The following GMEB1 variants were observed in gnomAD, a reference collection of about 807,000 sequenced individuals.
GMEB1 encodes the protein glucocorticoid modulatory element-binding protein 1.
In GMEB1, 6 loss-of-function variants were observed where a neutral mutation model predicts 52.4. The ratio of observed to expected loss-of-function variants is 0.11; its 90% CI spans 0.06 to 0.23. The LOEUF (loss-of-function observed/expected upper bound fraction) is 0.23, where lower values mean the gene tolerates loss of function less well. Among genes scored for constraint, GMEB1 ranks in the 10% least tolerant of loss-of-function variants. GMEB1 has a pLI of 1.00. For missense variants in GMEB1, 486 were observed against 685.6 expected (o/e 0.71, Z 3.25); for synonymous variants, 255 against 244.9 (o/e 1.04, Z -0.38).
At chr1:28,675,280 G>T (rs1669099051) in intron 1 of GMEB1, among the ~76,000 whole-genome samples, 2 of 151,930 alleles carry the variant, frequency 1.3e-5, no homozygotes, top group Non-Finnish European at 2.9e-5. Flanking sequence ...GCCTCCCAAA[G>T]TGCTGGGATT....
intron 3 of GMEB1, 108 bp from the exon 4 acceptor site, chr1:28,691,477 C>A: frequency 1.6e-6 from 1 of 637,928 alleles, no homozygotes; most frequent in Non-Finnish European, 2.4e-6. Flanking sequence ...ATGATACCAG[C>A]AAGAGTGAAG....
intron 1 of GMEB1, among the ~76,000 whole-genome samples, chr1:28,676,889 TA>T (rs1221349922): frequency 1.3e-5 from 2 of 151,904 alleles, no homozygotes; most frequent in Non-Finnish European, 2.9e-5. Flanking sequence ...CTGACTCTAC[TA>T]AAAATACAAA....
At chr1:28,693,676 C>T (rs936242563) in intron 5 of GMEB1, among the ~76,000 whole-genome samples, 9 of 152,114 alleles carry the variant, frequency 5.9e-5, no homozygotes, top group Admixed American at 4.6e-4. Flanking sequence ...TGGTCTTGAA[C>T]TCCTGACCTC....
At chr1:28,712,633 A>G (rs1312430484) in intron 9 of GMEB1, among the ~76,000 whole-genome samples, 1 of 151,864 alleles carries the variant, frequency 6.6e-6, no homozygotes, top group Non-Finnish European at 1.5e-5. Flanking sequence ...ATCCTGGCCA[A>G]TATGGTGAAA....
intron 1 of GMEB1, among the ~76,000 whole-genome samples, chr1:28,676,202 G>A (rs1669144461): frequency 6.6e-6 from 1 of 152,116 alleles, no homozygotes; most frequent in Non-Finnish European, 1.5e-5. Context: ...ACTTAGCTTA[G>A]GGTAGAAAGT....
intron 8 of GMEB1, among the ~76,000 whole-genome samples, chr1:28,709,725 A>AT (rs1192593456): frequency 6.6e-6 from 1 of 152,108 alleles, no homozygotes; most frequent in Non-Finnish European, 1.5e-5. Context: ...TTACAGGCAC[A>AT]TGCCACCACA....
chr1:28,705,486 G>A (rs1180206404), intron 8 of GMEB1, among the ~76,000 whole-genome samples: 2 of 140,508 alleles, frequency 1.4e-5, no homozygotes, highest in Non-Finnish European at 3.0e-5. Flanking sequence ...GTTTCACTCA[G>A]TCACCCAGGC....
chr1:28,669,244 A>T (rs1020033025), intron 1 of GMEB1, among the ~76,000 whole-genome samples: 2 of 151,524 alleles, frequency 1.3e-5, no homozygotes, highest in African/African-American at 2.4e-5. Flanking sequence ...CCGGACTGAG[A>T]GGGCCAGGCG....
intron 1 of GMEB1, among the ~76,000 whole-genome samples, chr1:28,674,528 G>A (rs1009593215): frequency 6.6e-6 from 1 of 151,732 alleles, no homozygotes; most frequent in African/African-American, 2.4e-5. Context: ...CCGAGTAGCT[G>A]AGATTACAGA....
At chr1:28,686,013 C>T (rs1212472381) in intron 2 of GMEB1, among the ~76,000 whole-genome samples, 2 of 152,118 alleles carry the variant, frequency 1.3e-5, no homozygotes, top group African/African-American at 4.8e-5. Context: ...AGACTACCTC[C>T]TACTTGCCAC....
chr1:28,689,292 C>T (rs898620207), intron 2 of GMEB1, among the ~76,000 whole-genome samples: 2 of 152,064 alleles, frequency 1.3e-5, no homozygotes, highest in Admixed American at 6.6e-5. Flanking sequence ...TCCCAAAGTA[C>T]TGGAATTACA....
rs1440340696 is a variant in GMEB1, at chr1:28,716,168, C to A, written c.*1395C>A. On this transcript the variant is annotated 3_prime_UTR_variant, in exon 10 of 10. Transcript: ENST00000373816. ...TTTGGGGTTCAAGGTAATAGCTTACCTTGTTCCACACTTTGTCAAAGCACT... is the reference window on the plus strand; with the variant it reads ...TTTGGGGTTCAAGGTAATAGCTTACATTGTTCCACACTTTGTCAAAGCACT... The A allele has an allele frequency of 6.6e-6, 1 of 152,206 alleles. No individual in the cohort carries two copies. The highest frequency in any genetic ancestry group is 1.9e-4 in the East Asian group (1 of 5,196). 9.4% of individuals were successfully genotyped at this position (152,206 alleles called of 1,614,324 possible).
At chr1:28,698,371 C>T (rs1386353879) in intron 6 of GMEB1, among the ~76,000 whole-genome samples, 6 of 149,104 alleles carry the variant, frequency 4.0e-5, no homozygotes, top group Admixed American at 2.0e-4. Flanking sequence ...AGCAAGACTC[C>T]GTCTTAAAAA....
Position 28,714,496 on chromosome 1 carries a change from G to A in GMEB1, c.1415G>A (p.Gly472Glu). The A allele has an allele frequency of 4.3e-6, 7 of 1,614,194 alleles. No homozygotes were observed. The highest frequency in any genetic ancestry group is 5.9e-6 in the Non-Finnish European group (7 of 1,180,042). ...CTGAGCTCTACTGCCATGCAGGATG[G>A]GAGTACACTGGGCAACATGACCACC... Reference protein sequence around the residue: ...ALLSSTAMQDGSTLGNMTTMV... With the variant: ...ALLSSTAMQDESTLGNMTTMV... The change falls in exon 10 of 10, where the codon GGG becomes GAG. Residue 472 changes from glycine to glutamate, a missense_variant. This residue lies in a region of GMEB1 where 153 missense variants were observed against 200.8 expected (regional missense o/e 0.76). Transcript: ENST00000373816.
At chr1:28,669,208 A>G (rs905341083) in intron 1 of GMEB1, among the ~76,000 whole-genome samples, 4 of 151,574 alleles carry the variant, frequency 2.6e-5, no homozygotes, top group South Asian at 2.1e-4. Context: ...TACTCGGCTC[A>G]GGGGCCAGGA....
chr1:28,669,746 A>C (rs1483373260), intron 1 of GMEB1, among the ~76,000 whole-genome samples: 1 of 152,106 alleles, frequency 6.6e-6, no homozygotes, highest in East Asian at 1.9e-4. Context: ...CGGTCAGGGG[A>C]TGGAGAAACC....
intron 3 of GMEB1, 90 bp from the exon 4 acceptor site, chr1:28,691,495 C>A: frequency 1.1e-6 from 1 of 886,606 alleles, no homozygotes. Flanking sequence ...AAGTATTAGT[C>A]CCTTAGAGGA....
In GMEB1 at chr1:28,710,660, C is replaced by T. The variant is rs771689691; in HGVS notation, c.991+18C>T. 4 of 1,511,052 alleles carry T rather than the reference C, an allele frequency of 2.6e-6. No homozygotes were observed. The East Asian group carries it at 7.3e-5, about 28-fold the overall frequency. 93.6% of individuals were successfully genotyped at this position (1,511,052 alleles called of 1,614,324 possible). A position where few individuals can be genotyped will look rare whatever the true frequency, so the allele number is the denominator to read the frequency against. Reference sequence around the variant, plus strand: ...TCTGACAGGTATGTATAAGTTATCGCTCTTCTTCGGTGATATCATGCTAAT... The same window carrying T: ...TCTGACAGGTATGTATAAGTTATCGTTCTTCTTCGGTGATATCATGCTAAT... On this transcript the variant is annotated intron_variant, in intron 9 of 9. Coordinates refer to ENST00000373816, the MANE Select transcript of GMEB1 (RefSeq NM_001319674.2).
intron 8 of GMEB1, among the ~76,000 whole-genome samples, chr1:28,708,902 C>T (rs1296061958): frequency 2.6e-5 from 4 of 152,072 alleles, no homozygotes; most frequent in African/African-American, 9.6e-5. Context: ...GAGGCCGAGG[C>T]GGGCAGATCA....
Sources: allele counts gnomAD v4.1 joint callset (sites outside exome capture counted in the v4.1 genomes callset), GRCh38; gene constraint gnomAD v4.1.1; regional missense constraint gnomAD v4.1.1; transcripts MANE v1.5; gene names NCBI Gene and HGNC (gene_info 2026-07-23, HGNC 2026-07-21).